EDA2R: variants seen among roughly 807,000 people sequenced by gnomAD.
The protein encoded by EDA2R is tumor necrosis factor receptor superfamily member 27.
Under a neutral mutation model 20.1 loss-of-function variants are expected in EDA2R, and 26 were observed. The observed-to-expected ratio is 1.30, with a 90% CI of 0.95 to 1.80. EDA2R has a LOEUF of 1.80. Among genes scored for constraint, EDA2R ranks in the 40% most tolerant of loss-of-function variants. The pLI is 0.00. For synonymous variants in EDA2R, 114 were observed against 88.7 expected, an observed-to-expected ratio of 1.29 and a Z score of -1.60; for missense variants, 277 against 228.7, an observed-to-expected ratio of 1.21 and a Z score of -1.36.
chrX:66,623,572 A>C (rs948148723), intron 1 of EDA2R, among the ~76,000 whole-genome samples: 1 of 112,074 alleles, frequency 8.9e-6, no homozygotes, highest in Non-Finnish European at 1.9e-5. Flanking sequence ...ATAATGGCCA[A>C]TAGAGACCTT....
chrX:66,619,366 G>A (rs940464235), intron 1 of EDA2R, among the ~76,000 whole-genome samples: 6 of 112,217 alleles, frequency 5.3e-5, no homozygotes, highest in South Asian at 3.7e-4. Context: ...GTCAACAAAC[G>A]TTTGGAAACT....
In EDA2R at chrX:66,597,765, T is replaced by C. The variant is rs1419764660; in HGVS notation, c.*339A>G. 5.3e-5 allele frequency: 8 copies of C among 150,686 alleles called. No homozygotes were observed. Among genetic ancestry groups the C allele is most frequent in the Non-Finnish European group, 9.1e-5 (7 of 76,695 alleles). 12.4% of individuals were successfully genotyped at this position (150,686 alleles called of 1,213,427 possible). A position where few individuals can be genotyped will look rare whatever the true frequency, so the allele number is the denominator to read the frequency against. ...ATGTGCCAACACAATTTTGAGAGGC[T>C]TACCTGACCAAAAATGCAGACATGA... On this transcript the variant is annotated 3_prime_UTR_variant, in exon 7 of 7. Coordinates refer to ENST00000374719, the MANE Select transcript of EDA2R (RefSeq NM_021783.5).
At chrX:66,620,665 TAAA>T (rs1381331762) in intron 1 of EDA2R, among the ~76,000 whole-genome samples, 7 of 110,359 alleles carry the variant, frequency 6.3e-5, no homozygotes, top group Non-Finnish European at 1.3e-4. Flanking sequence ...CAACAAAATT[TAAA>T]AATTAAAAAT....
intron 1 of EDA2R, among the ~76,000 whole-genome samples, chrX:66,621,409 A>C (rs1359790036): frequency 8.9e-6 from 1 of 112,367 alleles, no homozygotes; most frequent in African/African-American, 3.2e-5. Flanking sequence ...GTAAATACCC[A>C]AAAGAATTGA....
chrX:66,612,744 G>T (rs1006351599), intron 2 of EDA2R, among the ~76,000 whole-genome samples: 4 of 111,656 alleles, frequency 3.6e-5, no homozygotes, highest in South Asian at 7.4e-4. Context: ...CCAATTAAAA[G>T]ACAGGGATTG....
intron 1 of EDA2R, among the ~76,000 whole-genome samples, chrX:66,619,562 G>C (rs185978171): frequency 9.0e-6 from 1 of 111,659 alleles, no homozygotes; most frequent in African/African-American, 3.3e-5. Context: ...CTCTGACATG[G>C]GGTTGTGTTC....
At chrX:66,622,095 C>T (rs928338656) in intron 1 of EDA2R, among the ~76,000 whole-genome samples, 1 of 111,371 alleles carries the variant, frequency 9.0e-6, no homozygotes, top group Non-Finnish European at 1.9e-5. Context: ...TTGTATATAC[C>T]TTGATTGTGT....
intron 1 of EDA2R, among the ~76,000 whole-genome samples, chrX:66,617,530 A>G (rs1028179691): frequency 9.0e-6 from 1 of 111,617 alleles, no homozygotes; most frequent in African/African-American, 3.3e-5. Flanking sequence ...GCTCTGGACA[A>G]CTTTCTCATA....
chrX:66,624,370 T>C (rs1298217976), intron 1 of EDA2R, among the ~76,000 whole-genome samples: 1 of 110,859 alleles, frequency 9.0e-6, no homozygotes, highest in Non-Finnish European at 1.9e-5. Context: ...AATACAAAAT[T>C]GAGCTAGGTG....
chrX:66,614,959 C>T (rs921637760), intron 2 of EDA2R, among the ~76,000 whole-genome samples: 2 of 111,362 alleles, frequency 1.8e-5, no homozygotes, highest in African/African-American at 6.5e-5. Flanking sequence ...ATGCCTAGTT[C>T]ATTTTCACCT....
rs1341365687 is a variant in EDA2R, at chrX:66,596,810, CCA to C, written c.*1292_*1293del. 1.8e-5 allele frequency: 2 copies of C among 112,248 alleles called. No homozygotes were observed. The highest frequency in any genetic ancestry group is 3.8e-5 in the Non-Finnish European group (2 of 53,296). The allele number at this position is 112,248 out of a possible 1,213,427, so 9.3% of individuals were successfully genotyped here. The stretch of plus-strand genomic sequence containing the variant: ...AGGCCAAGGCCTAAAACCTTGGTTA[CCA>C]CATATTTGCTAATACCTGTGTGGGG... On this transcript the variant is annotated 3_prime_UTR_variant, in exon 7 of 7. Transcript: ENST00000374719.
intron 1 of EDA2R, among the ~76,000 whole-genome samples, chrX:66,623,164 A>G (rs147367269): frequency 9.2e-4 from 103 of 112,216 alleles, no homozygotes; most frequent in African/African-American, 2.9e-3. Context: ...AGTGATTCTC[A>G]TGTGCAGTCA....
chrX:66,636,709 T>C (rs958689908), intron 1 of EDA2R, among the ~76,000 whole-genome samples: 2 of 110,247 alleles, frequency 1.8e-5, no homozygotes, highest in African/African-American at 6.6e-5. Context: ...TTCATGAAAT[T>C]CTACTTGTCA....
rs143133567 is a variant in EDA2R at position 66,607,996 on chromosome X, A to G, written c.88-2770T>C. 3.2e-3 allele frequency among the ~76,000 whole-genome samples: 365 copies of G among 112,468 alleles called. 1 individual carries two copies. The highest frequency in any genetic ancestry group is 5.4e-3 in the Non-Finnish European group (287 of 53,313). ...CTAAAAGAAATCAGGAAACAAATGTATAAACAAAGTGAGAATATTGGTTAA... is the reference window on the plus strand; with the variant it reads ...CTAAAAGAAATCAGGAAACAAATGTGTAAACAAAGTGAGAATATTGGTTAA... On this transcript the variant is annotated intron_variant, in intron 2 of 6. Transcript: ENST00000374719.
At chrX:66,612,148 T>C (rs1930856424) in intron 2 of EDA2R, among the ~76,000 whole-genome samples, 2 of 111,654 alleles carry the variant, frequency 1.8e-5, no homozygotes, top group African/African-American at 6.5e-5. Context: ...AATGAGTTGC[T>C]AGTAGGCCTA....
intron 1 of EDA2R, among the ~76,000 whole-genome samples, chrX:66,625,910 A>G (rs1933024306): frequency 9.0e-6 from 1 of 111,624 alleles, no homozygotes; most frequent in Admixed American, 9.5e-5. Context: ...CTCAGAAGAG[A>G]TATAAAAATC....
chrX:66,618,705 T>C (rs1366140209), intron 1 of EDA2R, among the ~76,000 whole-genome samples: 5 of 112,231 alleles, frequency 4.5e-5, no homozygotes, highest in African/African-American at 1.6e-4. Flanking sequence ...CTACATTCCC[T>C]GGACTATGGT....
chrX:66,599,263 C>G (rs1210536186), intron 6 of EDA2R, among the ~76,000 whole-genome samples: 1 of 111,230 alleles, frequency 9.0e-6, no homozygotes, highest in Non-Finnish European at 1.9e-5. Flanking sequence ...CTTGCCAGTT[C>G]CCTGACAATT....
At position 66,630,820 on chromosome X, in the gene EDA2R, T is replaced by TACACACACAC. The variant is rs780295995; in HGVS notation, c.-11+8174_-11+8175insGTGTGTGTGT. On this transcript the variant is annotated intron_variant, in intron 1 of 6. Transcript: ENST00000374719. ...AGAACTAAAAAGAATCATATATATA[T>TACACACACAC]ATACACACACACACACACACACACA... Among the ~76,000 whole-genome samples the TACACACACAC allele has an allele frequency of 2.9e-3, 113 of 39,540 alleles. 1 individual carries two copies. Among genetic ancestry groups the TACACACACAC allele is most frequent in the African/African-American group, 6.7e-3 (112 of 16,601 alleles). The allele number at this position is 39,540 out of a possible 115,157, so 34.3% of individuals were successfully genotyped here. A position where few individuals can be genotyped will look rare whatever the true frequency, so the allele number is the denominator to read the frequency against.
Sources: gnomAD v4.1 joint callset for allele counts (sites outside exome capture counted in the v4.1 genomes callset) on GRCh38, gnomAD v4.1.1 for gene constraint, MANE v1.5 for transcripts, NCBI Gene and HGNC (gene_info 2026-07-23, HGNC 2026-07-21) for gene names.